Variants in WWOX observed in about 807,000 individuals in gnomAD.
WWOX encodes the protein WW domain containing oxidoreductase, also known as WW domain-containing oxidoreductase.
A neutral mutation model predicts 46.2 loss-of-function variants in WWOX; 69 were observed. The observed-to-expected ratio is 1.49, with a 90% CI of 1.23 to 1.82. The LOEUF is 1.82. Among genes scored for constraint, WWOX ranks in the 40% most tolerant of loss-of-function variants. WWOX has a pLI of 0.00. For missense variants in WWOX, 919 were observed against 542.6 expected (o/e 1.69, Z -6.89); for synonymous variants, 359 against 202.6 (o/e 1.77, Z -6.56).
chr16:79,182,590 A>G (rs1406613921), intron 8 of WWOX, among the ~76,000 whole-genome samples: 1 of 152,138 alleles, frequency 6.6e-6, no homozygotes, highest in Non-Finnish European at 1.5e-5. Flanking sequence ...AAAGTAGAAT[A>G]TCAGGGTGTT....
intron 8 of WWOX, among the ~76,000 whole-genome samples, chr16:78,540,240 G>GA (rs543785112): frequency 0.065 from 8,912 of 136,344 alleles, 281 homozygotes; most frequent in African/African-American, 0.083. Flanking sequence ...AGGAGCAACA[G>GA]AAAAAAAAAA....
chr16:79,204,845 G>A (rs564561042), intron 8 of WWOX: 1 of 152,298 alleles, frequency 6.6e-6, no homozygotes, highest in East Asian at 1.9e-4. Flanking sequence ...TGAACCTGCT[G>A]GTCTCCAGGC....
chr16:79,005,104 G>C (rs1045844191), intron 8 of WWOX, among the ~76,000 whole-genome samples: 7 of 152,150 alleles, frequency 4.6e-5, no homozygotes, highest in Non-Finnish European at 1.0e-4. Context: ...GTGTACCCCA[G>C]GAAAGAGGAA....
At chr16:78,299,741 C>T (rs2080006943) in intron 5 of WWOX, among the ~76,000 whole-genome samples, 1 of 152,072 alleles carries the variant, frequency 6.6e-6, no homozygotes, top group Non-Finnish European at 1.5e-5. Flanking sequence ...GTTGCCCAGG[C>T]TGTTCTCGAA....
intron 8 of WWOX, among the ~76,000 whole-genome samples, chr16:79,014,438 G>C (rs560693040): frequency 6.6e-6 from 1 of 152,090 alleles, no homozygotes; most frequent in Non-Finnish European, 1.5e-5. Flanking sequence ...TTCCTGGATC[G>C]TCCCTCAATT....
chr16:78,189,459 T>G (rs1033797022), intron 5 of WWOX, among the ~76,000 whole-genome samples: 6 of 152,176 alleles, frequency 3.9e-5, no homozygotes, highest in Non-Finnish European at 8.8e-5. Flanking sequence ...GTCTTTGTAA[T>G]AATGCTGGAT....
intron 8 of WWOX, among the ~76,000 whole-genome samples, chr16:79,108,962 G>C: frequency 6.6e-6 from 1 of 151,560 alleles, no homozygotes; most frequent in Non-Finnish European, 1.5e-5. Flanking sequence ...GAAATACTTG[G>C]TCATCTGAGC....
intron 8 of WWOX, among the ~76,000 whole-genome samples, chr16:79,040,976 C>T (rs553680110): frequency 6.6e-6 from 1 of 152,086 alleles, no homozygotes; most frequent in Admixed American, 6.5e-5. Flanking sequence ...TGAGGTGGTT[C>T]CTGAAATCCC....
chr16:78,363,609 T>C (rs987956918), intron 5 of WWOX, among the ~76,000 whole-genome samples: 5 of 152,112 alleles, frequency 3.3e-5, no homozygotes, highest in African/African-American at 1.2e-4. Flanking sequence ...TCATAAGAAA[T>C]CCACATCTGA....
intron 8 of WWOX, among the ~76,000 whole-genome samples, chr16:78,879,493 G>C (rs2044298980): frequency 6.6e-6 from 1 of 150,598 alleles, no homozygotes; most frequent in South Asian, 2.1e-4. Flanking sequence ...TGGTCTTCAA[G>C]TCCACTCTCA....
rs185450546 is a variant in WWOX at position 78,661,493 on chromosome 16, G to A, written c.1056+228741G>A. Among the ~76,000 whole-genome samples, 83 of 152,184 alleles carry A rather than the reference G, an allele frequency of 5.5e-4. 1 individual carries two copies. Among genetic ancestry groups the A allele is most frequent in the Admixed American group, 5.9e-4 (9 of 15,280 alleles). Reference sequence around the variant, plus strand: ...GTGGGATTGAACAGTTATTTGTCTGGATTTGATCATTCCTTATTAAACATT... The same window carrying A: ...GTGGGATTGAACAGTTATTTGTCTGAATTTGATCATTCCTTATTAAACATT... On this transcript the variant is annotated intron_variant, in intron 8 of 8. Coordinates refer to ENST00000566780, the MANE Select transcript of WWOX (RefSeq NM_016373.4).
chr16:78,865,795 A>C (rs965207630), intron 8 of WWOX, among the ~76,000 whole-genome samples: 2 of 152,180 alleles, frequency 1.3e-5, no homozygotes, highest in African/African-American at 4.8e-5. Flanking sequence ...CAGGAGAATC[A>C]CTTGAACTCG....
chr16:78,509,458 A>G (rs1567613496), intron 8 of WWOX, among the ~76,000 whole-genome samples: 1 of 150,936 alleles, frequency 6.6e-6, no homozygotes, highest in South Asian at 2.1e-4. Context: ...AAAATAATAT[A>G]ATAATAATAA....
At chr16:79,074,875 A>G (rs2048624698) in intron 8 of WWOX, among the ~76,000 whole-genome samples, 1 of 95,532 alleles carries the variant, frequency 1.0e-5, no homozygotes, top group Non-Finnish European at 1.9e-5. Context: ...TTTTAGATAC[A>G]GAACCTTTAA....
At chr16:78,600,354 G>C (rs1482007488) in intron 8 of WWOX, among the ~76,000 whole-genome samples, 1 of 152,044 alleles carries the variant, frequency 6.6e-6, no homozygotes, top group Non-Finnish European at 1.5e-5. Flanking sequence ...ATAGCTGGAG[G>C]GGGGGCCCCA....
intron 7 of WWOX, among the ~76,000 whole-genome samples, chr16:78,429,964 A>G (rs57802868): frequency 0.057 from 8,707 of 152,216 alleles, 455 homozygotes; most frequent in African/African-American, 0.14. Context: ...TGCAGACTCC[A>G]GCACCACCAA....
At chr16:78,790,665 G>A (rs1454906211) in intron 8 of WWOX, among the ~76,000 whole-genome samples, 2 of 152,040 alleles carry the variant, frequency 1.3e-5, no homozygotes, top group South Asian at 4.2e-4. Context: ...TGAAACACAA[G>A]TACAAAGGTT....
chr16:78,794,891 G>A (rs2050697371), intron 8 of WWOX, among the ~76,000 whole-genome samples: 2 of 152,214 alleles, frequency 1.3e-5, no homozygotes, highest in Non-Finnish European at 2.9e-5. Context: ...ACAAAGAAAT[G>A]ACTTGCCTTT....
chr16:78,376,669 C>T (rs2081835210), intron 5 of WWOX, among the ~76,000 whole-genome samples: 1 of 152,068 alleles, frequency 6.6e-6, no homozygotes, highest in Non-Finnish European at 1.5e-5. Context: ...GAGTAGCATC[C>T]CTGACCTCTG....
Sources: allele counts gnomAD v4.1 joint callset (sites outside exome capture counted in the v4.1 genomes callset), GRCh38; gene constraint gnomAD v4.1.1; transcripts MANE v1.5; gene names NCBI Gene and HGNC (gene_info 2026-07-23, HGNC 2026-07-21).